Variants in HELQ observed in about 807,000 individuals in gnomAD.
The protein encoded by HELQ is helicase POLQ-like.
Under a neutral mutation model 111.6 loss-of-function variants are expected in HELQ, and 77 were observed. That is an observed-to-expected ratio of 0.69 (90% confidence interval 0.57 to 0.83). The LOEUF is 0.83. Among genes scored for constraint, HELQ ranks in the 40% least tolerant of loss-of-function variants. HELQ has a pLI of 0.00. For synonymous variants in HELQ, 438 were observed against 454.7 expected (o/e 0.96, Z 0.47); for missense variants, 1,200 against 1,288.5 (o/e 0.93, Z 1.05).
intron 7 of HELQ, among the ~76,000 whole-genome samples, chr4:83,440,312 T>A (rs111616953): frequency 0.012 from 1,765 of 152,220 alleles, 28 homozygotes; most frequent in African/African-American, 0.041. Flanking sequence ...ATAGCCTCAC[T>A]ACATGCCCAT....
At chr4:83,415,904 C>T (rs573901066) in intron 17 of HELQ, among the ~76,000 whole-genome samples, 10 of 151,104 alleles carry the variant, frequency 6.6e-5, no homozygotes, top group Admixed American at 5.3e-4. Flanking sequence ...GCCTTGGCCT[C>T]CCAAAGTGCT....
At position 83,432,278 on chromosome 4, in the gene HELQ, A is replaced by C; in HGVS notation, c.2049-11T>G. 1 of 1,528,826 alleles carries C rather than the reference A, an allele frequency of 6.5e-7. No individual in the cohort carries two copies. Among genetic ancestry groups the C allele is most frequent in the Non-Finnish European group, 8.8e-7 (1 of 1,139,568 alleles). The allele number at this position is 1,528,826 out of a possible 1,614,324, so 94.7% of individuals were successfully genotyped here. A position where few individuals can be genotyped will look rare whatever the true frequency, so the allele number is the denominator to read the frequency against. ...GCTCTTAAAATAACTCTGTGGAATT[A>C]ATGAAAAATGATACTCTACAGCAAA... On this transcript the variant is annotated splice_polypyrimidine_tract_variant and intron_variant, in intron 9 of 17. Transcript: ENST00000295488.
chr4:83,452,738 T>C (rs530357951), intron 2 of HELQ, among the ~76,000 whole-genome samples: 118 of 152,288 alleles, frequency 7.7e-4, no homozygotes, highest in African/African-American at 2.7e-3. Context: ...AGGTAAGTTA[T>C]TGAGAAGTCA....
At chr4:83,409,868 C>G (rs1436320379) in intron 17 of HELQ, among the ~76,000 whole-genome samples, 2 of 151,988 alleles carry the variant, frequency 1.3e-5, no homozygotes, top group Non-Finnish European at 2.9e-5. Flanking sequence ...AACTAAATAA[C>G]TGGGTGTCCA....
chr4:83,447,360 TAAAC>T (rs574617835), intron 3 of HELQ, among the ~76,000 whole-genome samples: 192 of 150,436 alleles, frequency 1.3e-3, no homozygotes, highest in African/African-American at 4.3e-3. Flanking sequence ...AATAAATAAA[TAAAC>T]AAAACCAAAA....
chr4:83,445,900 A>G, intron 5 of HELQ, 114 bp downstream of exon 5: 1 of 665,502 alleles, frequency 1.5e-6, no homozygotes, highest in Non-Finnish European at 2.5e-6. Flanking sequence ...AACAAAGGCA[A>G]AAAGCTTAAG....
intron 7 of HELQ, among the ~76,000 whole-genome samples, chr4:83,441,050 G>A (rs1216603014): frequency 3.3e-5 from 5 of 152,168 alleles, no homozygotes; most frequent in African/African-American, 4.8e-5. Context: ...ATTTTCACAC[G>A]GTACTTGCTT....
chr4:83,430,671 C>T (rs186869150), intron 11 of HELQ, among the ~76,000 whole-genome samples: 2 of 152,112 alleles, frequency 1.3e-5, no homozygotes, highest in East Asian at 1.9e-4. Flanking sequence ...CATATTAAAC[C>T]AATATAAGGG....
In HELQ at chr4:83,446,886, G is replaced by C. The variant is rs771781318; in HGVS notation, c.1341C>G (p.Ser447=). Reference sequence around the variant, plus strand: ...TGTCAATTCTTCCAGTTTCAATCAAGGAGTTCACCAAGCTATGTCCTTTTT... The same window carrying C: ...TGTCAATTCTTCCAGTTTCAATCAACGAGTTCACCAAGCTATGTCCTTTTT... ...TIEKGHSLVN[S]LIETGRIDSL... The change falls in exon 4 of 18, where the codon TCC becomes TCG. Residue 447 remains serine, a synonymous_variant. Transcript: ENST00000295488. 6.2e-7 allele frequency: 1 copy of C among 1,613,748 alleles called. No homozygotes were observed. The highest frequency in any genetic ancestry group is 1.7e-5 in the Admixed American group (1 of 60,016).
At position 83,413,593 on chromosome 4, in the gene HELQ, C is replaced by T. The variant is rs76825401; in HGVS notation, c.3198+3138G>A. On this transcript the variant is annotated intron_variant, in intron 17 of 17. Transcript: ENST00000295488. ...GACACTCTTCTCATGAAGAGGTGGTCTGATCCCCTTTCCTTTCAATCTAGG... is the reference window on the plus strand; with the variant it reads ...GACACTCTTCTCATGAAGAGGTGGTTTGATCCCCTTTCCTTTCAATCTAGG... 8.7e-3 allele frequency among the ~76,000 whole-genome samples: 1,331 copies of T among 152,300 alleles called. 10 individuals carry two copies. Among genetic ancestry groups the T allele is most frequent in the Middle Eastern group, 0.031 (9 of 294 alleles).
intron 14 of HELQ, among the ~76,000 whole-genome samples, chr4:83,422,957 C>T (rs1719622307): frequency 6.6e-6 from 1 of 152,068 alleles, no homozygotes; most frequent in African/African-American, 2.4e-5. Flanking sequence ...AGCTAAAACA[C>T]CTGAAAGAGA....
chr4:83,448,162 A>T (rs889707710), intron 3 of HELQ, among the ~76,000 whole-genome samples: 1 of 151,986 alleles, frequency 6.6e-6, no homozygotes, highest in Non-Finnish European at 1.5e-5. Flanking sequence ...GTGAGCAGAG[A>T]TTGTGCCACT....
chr4:83,410,212 G>A (rs1739014962), intron 17 of HELQ, among the ~76,000 whole-genome samples: 1 of 152,084 alleles, frequency 6.6e-6, no homozygotes, highest in Non-Finnish European at 1.5e-5. Context: ...TGGTGCTACT[G>A]CACTCTAGCC....
chr4:83,426,097 A>T lies in HELQ; in HGVS notation c.2677-5T>A. The T allele has an allele frequency of 1.3e-6, 2 of 1,513,080 alleles. No homozygotes were observed. The highest frequency in any genetic ancestry group is 1.8e-6 in the Non-Finnish European group (2 of 1,094,818). The allele number at this position is 1,513,080 out of a possible 1,614,324, so 93.7% of individuals were successfully genotyped here. A position where few individuals can be genotyped will look rare whatever the true frequency, so the allele number is the denominator to read the frequency against. On this transcript the variant is annotated splice_region_variant and splice_polypyrimidine_tract_variant and intron_variant, in intron 13 of 17. Coordinates refer to ENST00000295488, the MANE Select transcript of HELQ (RefSeq NM_133636.5). Reference sequence around the variant, plus strand: ...TGCTGGACTGAGTTGGCTAAACTACATGGAAAAAGAGCAAATAGATGGAAA... The same window carrying T: ...TGCTGGACTGAGTTGGCTAAACTACTTGGAAAAAGAGCAAATAGATGGAAA...
intron 14 of HELQ, among the ~76,000 whole-genome samples, chr4:83,425,016 C>T (rs372020316): frequency 6.6e-6 from 1 of 151,778 alleles, no homozygotes; most frequent in African/African-American, 2.4e-5. Context: ...AACCTGAGAG[C>T]CACCTGTAAT....
chr4:83,412,286 CTG>C (rs1739143252), intron 17 of HELQ, among the ~76,000 whole-genome samples: 1 of 152,218 alleles, frequency 6.6e-6, no homozygotes, highest in African/African-American at 2.4e-5. Flanking sequence ...ACTTGTGAAA[CTG>C]TACTGAAGGT....
At chr4:83,433,665 CAAA>C (rs1175098887) in intron 9 of HELQ, among the ~76,000 whole-genome samples, 6 of 47,082 alleles carry the variant, frequency 1.3e-4, no homozygotes, top group Admixed American at 2.3e-4. Context: ...GACTCCGTCT[CAAA>C]AAAAAAAAAA....
chr4:83,437,866 C>T (rs7695190), intron 8 of HELQ, among the ~76,000 whole-genome samples: 13,638 of 151,984 alleles, frequency 0.09, 2,058 homozygotes, highest in African/African-American at 0.31. Flanking sequence ...ATCATACTTC[C>T]ATGGTAAAAC....
At chr4:83,414,890 C>T (rs1364734127) in intron 17 of HELQ, among the ~76,000 whole-genome samples, 1 of 151,964 alleles carries the variant, frequency 6.6e-6, no homozygotes, top group Admixed American at 6.6e-5. Flanking sequence ...ATAACTTCAT[C>T]CCTACCAACC....
Sources: allele counts gnomAD v4.1 joint callset (sites outside exome capture counted in the v4.1 genomes callset), GRCh38; gene constraint gnomAD v4.1.1; transcripts MANE v1.5; gene names NCBI Gene and HGNC (gene_info 2026-07-23, HGNC 2026-07-21).